CCDC171: variants seen among roughly 807,000 people sequenced by gnomAD.
The protein encoded by CCDC171 is coiled-coil domain containing 171, also known as coiled-coil domain-containing protein 171.
In CCDC171, 177 loss-of-function variants were observed where a neutral mutation model predicts 168.2. The ratio of observed to expected loss-of-function variants is 1.05; its 90% CI spans 0.93 to 1.19. The LOEUF is 1.19. CCDC171 is among the 50% of genes most tolerant of loss of function. The probability of loss-of-function intolerance (pLI) is 0.00; values close to 1 mark genes in which losing one functional copy is unlikely to be tolerated. For missense variants in CCDC171, 1,991 were observed against 1,539.0 expected (o/e 1.29, Z -4.91); for synonymous variants, 687 against 540.8 (o/e 1.27, Z -3.75).
intron 18 of CCDC171, among the ~76,000 whole-genome samples, chr9:15,767,075 T>G (rs1648834071): frequency 6.6e-6 from 1 of 152,234 alleles, no homozygotes; most frequent in Non-Finnish European, 1.5e-5. Context: ...TGACGAAAGT[T>G]TTTTTAGATG....
chr9:15,691,484 C>G (rs969524168), intron 10 of CCDC171, among the ~76,000 whole-genome samples: 10 of 137,410 alleles, frequency 7.3e-5, no homozygotes, highest in African/African-American at 2.7e-4. Flanking sequence ...ATAATATACT[C>G]AAAGAATTTA....
At chr9:15,967,548 A>C (rs1233839620) in intron 25 of CCDC171, among the ~76,000 whole-genome samples, 2 of 152,178 alleles carry the variant, frequency 1.3e-5, no homozygotes, top group African/African-American at 4.8e-5. Flanking sequence ...AATGTCCCTC[A>C]AAAAAGTTAG....
intron 8 of CCDC171, among the ~76,000 whole-genome samples, chr9:15,660,344 G>A (rs539450148): frequency 2.0e-5 from 3 of 151,718 alleles, no homozygotes; most frequent in South Asian, 2.1e-4. Context: ...TTTAGATTCC[G>A]GGGGTACATG....
At chr9:15,686,486 G>A (rs2050401783) in intron 10 of CCDC171, among the ~76,000 whole-genome samples, 1 of 151,794 alleles carries the variant, frequency 6.6e-6, no homozygotes. Context: ...CTGCACTCCA[G>A]CTTGGGCAAC....
At chr9:15,757,692 T>C (rs1017397193) in intron 18 of CCDC171, among the ~76,000 whole-genome samples, 2 of 151,644 alleles carry the variant, frequency 1.3e-5, no homozygotes, top group Non-Finnish European at 2.9e-5. Context: ...AGGCCCAGAG[T>C]CTTAGGAGAA....
intron 25 of CCDC171, among the ~76,000 whole-genome samples, chr9:15,955,536 T>C (rs1366776238): frequency 6.6e-6 from 1 of 152,144 alleles, no homozygotes; most frequent in African/African-American, 2.4e-5. Flanking sequence ...GTGTCTGTCA[T>C]GGGGCTGGAA....
intron 25 of CCDC171, among the ~76,000 whole-genome samples, chr9:15,957,139 C>G (rs1309009222): frequency 6.6e-6 from 1 of 151,242 alleles, no homozygotes; most frequent in African/African-American, 2.4e-5. Context: ...TCTGAGCATA[C>G]AGGCAAGAAG....
chr9:16,032,680 C>T (rs768045872), intron 6 of CCDC171, among the ~76,000 whole-genome samples: 20 of 152,106 alleles, frequency 1.3e-4, no homozygotes, highest in Non-Finnish European at 2.6e-4. Flanking sequence ...TACAGTGGCA[C>T]GATCATAGCT....
rs141348877 is a variant in CCDC171 at position 15,627,904 on chromosome 9, G to A, written c.822+4491G>A. Among the ~76,000 whole-genome samples, 24 of 152,294 alleles carry A rather than the reference G, an allele frequency of 1.6e-4. No individual in the cohort carries two copies. In the East Asian group the frequency reaches 4.2e-3, roughly 27 times the overall value. On this transcript the variant is annotated intron_variant, in intron 7 of 25. Coordinates refer to ENST00000380701, the MANE Select transcript of CCDC171 (RefSeq NM_173550.4). The stretch of plus-strand genomic sequence containing the variant: ...CTTTCGTCTAGTTGATCTGTCTAAT[G>A]TTGACAGTGGGGTGTTAAAGTCTCC...
intron 25 of CCDC171, among the ~76,000 whole-genome samples, chr9:15,945,464 CA>C (rs1266286156): frequency 1.3e-5 from 2 of 151,430 alleles, no homozygotes; most frequent in African/African-American, 4.8e-5. Flanking sequence ...CACTGACTTC[CA>C]CAATGGTAGA....
intron 18 of CCDC171, among the ~76,000 whole-genome samples, chr9:15,751,654 T>C (rs12003371): frequency 0.027 from 4,140 of 152,264 alleles, 186 homozygotes; most frequent in African/African-American, 0.096. Flanking sequence ...AAACAAGCAA[T>C]GGGGAAAGCA....
At position 15,903,318 on chromosome 9, in the gene CCDC171, C is replaced by T. The variant is rs536425132; in HGVS notation, c.3601-16952C>T. Among the ~76,000 whole-genome samples the T allele has an allele frequency of 1.8e-3, 276 of 152,206 alleles. 2 individuals are homozygous for T. The highest frequency in any genetic ancestry group is 6.4e-3 in the African/African-American group (264 of 41,510). On this transcript the variant is annotated intron_variant, in intron 24 of 25. Transcript: ENST00000380701. ...GACTGACACCTCACATGGCCGGGTA[C>T]TCCTCTGAGACAAAACTTCCAGAGG...
chr9:15,808,942 T>C (rs1482896713), intron 21 of CCDC171, among the ~76,000 whole-genome samples: 3 of 152,314 alleles, frequency 2.0e-5, no homozygotes, highest in African/African-American at 7.2e-5. Context: ...TGCTTCCTCA[T>C]AGATGGCACC....
chr9:15,767,507 T>G (rs2056784962), intron 18 of CCDC171, among the ~76,000 whole-genome samples: 1 of 152,170 alleles, frequency 6.6e-6, no homozygotes, highest in South Asian at 2.1e-4. Flanking sequence ...TCATTCCATC[T>G]ACACCCTTAA....
intron 6 of CCDC171, among the ~76,000 whole-genome samples, chr9:15,602,647 C>CTTTTTTTTTTTTTTTTTTTT (rs1161286304): frequency 0.037 from 1,107 of 29,748 alleles, 49 homozygotes; most frequent in Non-Finnish European, 0.043. Flanking sequence ...TTTTTTTTTT[C>CTTTTTTTTTTTTTTTTTTTT]TTTTTTTTTT....
chr9:15,925,563 A>G (rs1433483420), intron 25 of CCDC171, among the ~76,000 whole-genome samples: 1 of 151,656 alleles, frequency 6.6e-6, no homozygotes, highest in Non-Finnish European at 1.5e-5. Context: ...TTTAAAAAAG[A>G]TCACTTTGGC....
chr9:15,596,487 C>T (rs1587267732), intron 6 of CCDC171, among the ~76,000 whole-genome samples: 1 of 149,792 alleles, frequency 6.7e-6, no homozygotes, highest in African/African-American at 2.5e-5. Flanking sequence ...GGGCTCTGTT[C>T]TGTTCCATTG....
At chr9:15,794,999 A>G (rs372371704) in intron 21 of CCDC171, among the ~76,000 whole-genome samples, 1 of 152,302 alleles carries the variant, frequency 6.6e-6, no homozygotes, top group East Asian at 1.9e-4. Flanking sequence ...CCCACTCCAA[A>G]CACAGAGAGT....
chr9:15,894,492 G>A (rs1820643529), intron 24 of CCDC171, among the ~76,000 whole-genome samples: 1 of 151,920 alleles, frequency 6.6e-6, no homozygotes, highest in Non-Finnish European at 1.5e-5. Context: ...ACAGCTAAAT[G>A]GCTTCCCATC....
Sources: allele counts gnomAD v4.1 joint callset (sites outside exome capture counted in the v4.1 genomes callset), GRCh38; gene constraint gnomAD v4.1.1; transcripts MANE v1.5; gene names NCBI Gene and HGNC (gene_info 2026-07-23, HGNC 2026-07-21).